Variants in WDR43 observed in about 807,000 individuals in gnomAD.
WDR43 encodes the protein WD repeat domain 43.
A neutral mutation model predicts 91.4 loss-of-function variants in WDR43; 13 were observed. That is an observed-to-expected ratio of 0.14 (90% CI 0.09 to 0.23). The LOEUF is 0.23. Among genes scored for constraint, WDR43 ranks in the 10% least tolerant of loss-of-function variants. The pLI, the probability that WDR43 is intolerant of heterozygous loss-of-function variation, is 1.00. For missense variants in WDR43, 780 were observed against 809.4 expected, an observed-to-expected ratio of 0.96 and a Z score of 0.44; for synonymous variants, 331 against 287.9, an observed-to-expected ratio of 1.15 and a Z score of -1.51.
chr2:28,928,959 G>A (rs1451340648), intron 10 of WDR43, among the ~76,000 whole-genome samples: 1 of 152,180 alleles, frequency 6.6e-6, no homozygotes, highest in East Asian at 1.9e-4. Flanking sequence ...ACAGGTGAGA[G>A]CCACCACACC....
intron 6 of WDR43, among the ~76,000 whole-genome samples, chr2:28,921,660 G>T (rs530594193): frequency 6.6e-6 from 1 of 152,180 alleles, no homozygotes. Context: ...TGGAGTTGCA[G>T]AACGGGGAAC....
At chr2:28,910,153 T>G (rs1430175545) in intron 3 of WDR43, among the ~76,000 whole-genome samples, 1 of 152,208 alleles carries the variant, frequency 6.6e-6, no homozygotes, top group Non-Finnish European at 1.5e-5. Context: ...TCATGCTGAT[T>G]TATGCTTTGA....
chr2:28,945,491 G>C (rs943495647), intron 16 of WDR43, among the ~76,000 whole-genome samples: 6 of 152,190 alleles, frequency 3.9e-5, no homozygotes, highest in African/African-American at 1.4e-4. Flanking sequence ...GAAGAGACTG[G>C]GAAGTGTATT....
intron 14 of WDR43, 37 bp downstream of exon 14, chr2:28,938,031 G>A (rs2148198089): frequency 6.2e-7 from 1 of 1,606,186 alleles, no homozygotes; most frequent in South Asian, 1.1e-5. Flanking sequence ...AGTATGAATA[G>A]TTTGGCTTTG....
In WDR43 at chr2:28,917,889, C is replaced by T. The variant is rs755652921; in HGVS notation, c.747-4C>T. 8 of 1,566,646 alleles carry T rather than the reference C, an allele frequency of 5.1e-6. No homozygotes were observed. In the East Asian group the frequency reaches 1.2e-4, roughly 23 times the overall value. ...CTATCTAACTTGCTGGTTTTGTTAT[C>T]TAGGCAGGTCCGATCAGAAAACAAA... On this transcript the variant is annotated splice_region_variant and splice_polypyrimidine_tract_variant and intron_variant, in intron 5 of 17. Coordinates refer to ENST00000407426, the MANE Select transcript of WDR43 (RefSeq NM_015131.3).
At chr2:28,926,416 C>CTT (rs144139892) in intron 8 of WDR43, 52 bp from the exon 9 acceptor site, 66 of 1,221,718 alleles carry the variant, frequency 5.4e-5, no homozygotes, top group South Asian at 1.2e-4. Flanking sequence ...GTTTGACACT[C>CTT]TTTTTTTTTT....
intron 11 of WDR43, among the ~76,000 whole-genome samples, chr2:28,932,289 A>G (rs887407941): frequency 6.6e-5 from 10 of 151,950 alleles, no homozygotes; most frequent in Non-Finnish European, 1.5e-4. Flanking sequence ...TCAGCCTCCT[A>G]AGTAGCTGAG....
intron 2 of WDR43, among the ~76,000 whole-genome samples, chr2:28,904,064 A>G (rs1444105442): frequency 1.3e-5 from 2 of 152,002 alleles, no homozygotes; most frequent in African/African-American, 2.4e-5. Context: ...TTGGCCTCCT[A>G]AAGTGCTGGG....
Position 28,947,613 on chromosome 2 carries a change from T to C in WDR43, c.*834T>C, listed in dbSNP as rs1339522422. 2.0e-5 allele frequency: 3 copies of C among 152,132 alleles called. No individual in the cohort carries two copies. The highest frequency in any genetic ancestry group is 4.4e-5 in the Non-Finnish European group (3 of 68,016). 9.4% of individuals were successfully genotyped at this position (152,132 alleles called of 1,614,324 possible). ...TTTCCATTTTTATTTAAATTACTAA[T>C]GGATCAAAGAACAATTGTTTATTTT... On this transcript the variant is annotated 3_prime_UTR_variant, in exon 18 of 18. Coordinates refer to ENST00000407426, the MANE Select transcript of WDR43 (RefSeq NM_015131.3).
At chr2:28,907,743 A>G (rs571084123) in intron 3 of WDR43, among the ~76,000 whole-genome samples, 8 of 152,322 alleles carry the variant, frequency 5.3e-5, no homozygotes, top group African/African-American at 1.7e-4. Context: ...TCTACTACAA[A>G]GACAAAAAAA....
chr2:28,946,558 T>A lies in WDR43; in HGVS notation c.1855-42T>A, dbSNP rs143989003. 7.3e-4 allele frequency: 1,162 copies of A among 1,584,428 alleles called. 5 individuals carry two copies. The African/African-American group carries it at 0.013, about 18-fold the overall frequency. ...TTTATATCCTCATACTCTGTAAGAA[T>A]GAGACCTTCATGAATGCTTTCCTTG... On this transcript the variant is annotated intron_variant, in intron 17 of 17. Transcript: ENST00000407426.
rs1671209481 is a variant in WDR43 at position 28,929,847 on chromosome 2, C to T, written c.1437+137C>T. ...GTAATGTTTTATGAGTTTAGTCAAA[C>T]ATGTATCACTTGGTGGCATTATACA... On this transcript the variant is annotated intron_variant, in intron 11 of 17. Coordinates refer to ENST00000407426, the MANE Select transcript of WDR43 (RefSeq NM_015131.3). 1.6e-5 allele frequency: 15 copies of T among 930,304 alleles called. No homozygotes were observed. The South Asian group carries it at 2.4e-4, about 15-fold the overall frequency. 57.6% of individuals were successfully genotyped at this position (930,304 alleles called of 1,614,324 possible).
At chr2:28,911,536 C>T (rs778333060) in intron 3 of WDR43, among the ~76,000 whole-genome samples, 8 of 151,934 alleles carry the variant, frequency 5.3e-5, no homozygotes, top group Middle Eastern at 3.2e-3. Flanking sequence ...CCTTGTGATC[C>T]GCCCACCTCG....
Position 28,932,722 on chromosome 2 carries a change from A to G in WDR43, c.1438-2799A>G, listed in dbSNP as rs368801550. ...TTCCAAGAGGTTAATACTGTCTGTC[A>G]TAGAAAACCTGACATTAACATTAAT... is the stretch of plus-strand genomic sequence containing the variant. On this transcript the variant is annotated intron_variant, in intron 11 of 17. Coordinates refer to ENST00000407426, the MANE Select transcript of WDR43 (RefSeq NM_015131.3). 1.7e-4 allele frequency among the ~76,000 whole-genome samples: 26 copies of G among 152,374 alleles called. 1 individual carries two copies. In the East Asian group the frequency reaches 2.3e-3, roughly 14 times the overall value.
rs973848587 is a variant in WDR43 at position 28,947,841 on chromosome 2, G to C, written c.*1062G>C. 7.0e-6 allele frequency: 1 copy of C among 141,904 alleles called. No individual in the cohort carries two copies. The highest frequency in any genetic ancestry group is 7.1e-5 in the Admixed American group (1 of 14,066). 8.8% of individuals were successfully genotyped at this position (141,904 alleles called of 1,614,324 possible). A position where few individuals can be genotyped will look rare whatever the true frequency, so the allele number is the denominator to read the frequency against. ...ATAAATATTTTGGTGTGCTACAAAA[G>C]CCTTTGCAAATTATCAGTAGTAGTT... On this transcript the variant is annotated 3_prime_UTR_variant, in exon 18 of 18. Transcript: ENST00000407426.
At chr2:28,898,230 A>G (rs1416237084) in intron 1 of WDR43, among the ~76,000 whole-genome samples, 2 of 152,202 alleles carry the variant, frequency 1.3e-5, no homozygotes, top group African/African-American at 4.8e-5. Context: ...AATTAAGATG[A>G]CCCTATACAG....
intron 3 of WDR43, among the ~76,000 whole-genome samples, chr2:28,910,471 C>T (rs923348883): frequency 1.3e-4 from 20 of 151,882 alleles, no homozygotes; most frequent in Non-Finnish European, 1.8e-4. Context: ...GGTTGAATTT[C>T]GTGTTTATCA....
intron 3 of WDR43, among the ~76,000 whole-genome samples, chr2:28,907,903 C>CAG (rs1670715906): frequency 6.8e-6 from 1 of 146,444 alleles, no homozygotes; most frequent in Non-Finnish European, 1.5e-5. Context: ...GACTCCGTCT[C>CAG]AAAAAAAAAA....
chr2:28,938,015 T>C (rs1671365374), intron 14 of WDR43, 21 bp downstream of exon 14: 1 of 1,611,286 alleles, frequency 6.2e-7, no homozygotes, highest in Non-Finnish European at 8.5e-7. Flanking sequence ...TCAGCTTCTG[T>C]TGCCGAGTAT....
Sources: gnomAD v4.1 joint callset for allele counts (sites outside exome capture counted in the v4.1 genomes callset) on GRCh38, gnomAD v4.1.1 for gene constraint, MANE v1.5 for transcripts, NCBI Gene and HGNC (gene_info 2026-07-23, HGNC 2026-07-21) for gene names.